Variants in USP53 observed in about 807,000 individuals in gnomAD.
USP53 encodes the protein ubiquitin carboxyl-terminal hydrolase 53.
Under a neutral mutation model 94.9 loss-of-function variants are expected in USP53, and 71 were observed. That is an observed-to-expected ratio of 0.75 (90% CI 0.62 to 0.91). USP53 has a LOEUF of 0.91. Ranked by LOEUF, USP53 falls within the 40% of genes least tolerant of loss-of-function variation. The pLI, the probability that USP53 is intolerant of heterozygous loss-of-function variation, is 0.00. For missense variants in USP53, 1,173 were observed against 1,281.0 expected, an observed-to-expected ratio of 0.92 and a Z score of 1.29; for synonymous variants, 375 against 422.7, an observed-to-expected ratio of 0.89 and a Z score of 1.39.
intron 7 of USP53, among the ~76,000 whole-genome samples, chr4:119,254,096 C>T (rs1455507519): frequency 6.6e-6 from 1 of 152,212 alleles, no homozygotes; most frequent in African/African-American, 2.4e-5. Flanking sequence ...CACCGTTAGT[C>T]TGATGGGCTT....
intron 17 of USP53, among the ~76,000 whole-genome samples, chr4:119,289,049 A>G (rs769512913): frequency 2.6e-5 from 4 of 152,182 alleles, no homozygotes; most frequent in African/African-American, 4.8e-5. Context: ...CTATCACCAT[A>G]GATACTAGCA....
intron 3 of USP53, among the ~76,000 whole-genome samples, chr4:119,230,777 C>A (rs894358269): frequency 6.6e-6 from 1 of 152,092 alleles, no homozygotes; most frequent in Non-Finnish European, 1.5e-5. Context: ...GGGGAGCCAA[C>A]GAGATATGCA....
chr4:119,284,484 A>C (rs1046005140), intron 17 of USP53, among the ~76,000 whole-genome samples: 5 of 151,858 alleles, frequency 3.3e-5, no homozygotes, highest in Non-Finnish European at 5.9e-5. Flanking sequence ...TTAAATTGCC[A>C]CAATGCCATT....
chr4:119,283,731 A>T (rs1753773222), intron 17 of USP53, among the ~76,000 whole-genome samples: 2 of 151,928 alleles, frequency 1.3e-5, no homozygotes, highest in South Asian at 4.1e-4. Context: ...GGAATATAGG[A>T]AGAAGGAACA....
intron 7 of USP53, among the ~76,000 whole-genome samples, chr4:119,250,895 A>T (rs1403378533): frequency 9.0e-6 from 1 of 111,138 alleles, no homozygotes; most frequent in East Asian, 2.7e-4. Context: ...TACCTAGATG[A>T]TTCAAGTAGG....
chr4:119,280,628 A>G (rs988643741), intron 17 of USP53, among the ~76,000 whole-genome samples: 1 of 152,204 alleles, frequency 6.6e-6, no homozygotes, highest in Non-Finnish European at 1.5e-5. Context: ...GGCTTTTAAA[A>G]GATGGGAAAG....
At chr4:119,243,565 G>A (rs1489286592) in intron 5 of USP53, among the ~76,000 whole-genome samples, 2 of 152,268 alleles carry the variant, frequency 1.3e-5, no homozygotes, top group Middle Eastern at 3.4e-3. Flanking sequence ...ATTATTTTGT[G>A]ATAGCGATTT....
chr4:119,243,010 T>C (rs1561233422), intron 5 of USP53, among the ~76,000 whole-genome samples: 1 of 152,216 alleles, frequency 6.6e-6, no homozygotes, highest in East Asian at 1.9e-4. Flanking sequence ...TGTATAGATA[T>C]GTATTGATCT....
At chr4:119,236,874 T>C (rs1746836129) in intron 4 of USP53, among the ~76,000 whole-genome samples, 1 of 152,198 alleles carries the variant, frequency 6.6e-6, no homozygotes, top group South Asian at 2.1e-4. Context: ...CTGATTGTTC[T>C]TTATGGCATC....
intron 3 of USP53, among the ~76,000 whole-genome samples, chr4:119,231,371 T>C (rs886663582): frequency 3.3e-5 from 5 of 152,192 alleles, no homozygotes; most frequent in Non-Finnish European, 7.3e-5. Context: ...TTTCGGAGGT[T>C]GAAGTGTGTT....
intron 17 of USP53, among the ~76,000 whole-genome samples, chr4:119,279,165 A>C (rs2149449159): frequency 6.8e-6 from 1 of 146,700 alleles, no homozygotes; most frequent in South Asian, 2.3e-4. Flanking sequence ...CCTTTGAAGG[A>C]GGAGAGGCGC....
intron 2 of USP53, among the ~76,000 whole-genome samples, chr4:119,215,588 T>C (rs1316557936): frequency 6.6e-6 from 1 of 152,190 alleles, no homozygotes; most frequent in African/African-American, 2.4e-5. Flanking sequence ...AGTTTTAATA[T>C]AATTGGTTTT....
At position 119,271,587 on chromosome 4, in the gene USP53, G is replaced by T; in HGVS notation, c.1727G>T (p.Ser576Ile). Residue 576 changes from serine to isoleucine, a missense_variant, in exon 16 of 19, where the codon AGC becomes ATC. Coordinates refer to ENST00000692078, the MANE Select transcript of USP53 (RefSeq NM_001371395.1). ...SRDRGNSCDS[S>I]SKSRNRGWKP... is the part of the protein sequence containing the mutation. ...GATAGAGGAAACAGCTGTGATAGCA[G>T]CAGTAAAAGCCGGAACCGAGGTTGG... 6.2e-7 allele frequency: 1 copy of T among 1,613,780 alleles called. No individual in the cohort carries two copies. Among genetic ancestry groups the T allele is most frequent in the Non-Finnish European group, 8.5e-7 (1 of 1,180,038 alleles).
intron 4 of USP53, among the ~76,000 whole-genome samples, chr4:119,238,266 G>A (rs893420481): frequency 2.0e-5 from 3 of 152,136 alleles, no homozygotes; most frequent in Admixed American, 1.3e-4. Flanking sequence ...AGAGACATGC[G>A]ACTCCTTTTA....
chr4:119,288,021 A>C (rs1754314068), intron 17 of USP53, among the ~76,000 whole-genome samples: 1 of 152,246 alleles, frequency 6.6e-6, no homozygotes, highest in African/African-American at 2.4e-5. Context: ...ATTACCAACT[A>C]GAACAGTAGT....
chr4:119,226,210 C>A (rs1375802480), intron 3 of USP53, among the ~76,000 whole-genome samples: 1 of 152,176 alleles, frequency 6.6e-6, no homozygotes, highest in East Asian at 1.9e-4. Flanking sequence ...ACAGCTAACC[C>A]TACACATAAG....
chr4:119,279,618 G>T (rs1753204308), intron 17 of USP53, among the ~76,000 whole-genome samples: 1 of 151,880 alleles, frequency 6.6e-6, no homozygotes, highest in Middle Eastern at 3.4e-3. Flanking sequence ...TTGAGCTGTG[G>T]TGGGCTCCAC....
At chr4:119,278,584 G>C in intron 17 of USP53, among the ~76,000 whole-genome samples, 1 of 121,040 alleles carries the variant, frequency 8.3e-6, no homozygotes, top group Non-Finnish European at 1.8e-5. Flanking sequence ...GTGTCTTGGA[G>C]TTGCTCTTCT....
At chr4:119,244,405 G>T (rs1047043341) in intron 5 of USP53, among the ~76,000 whole-genome samples, 3 of 152,146 alleles carry the variant, frequency 2.0e-5, no homozygotes, top group African/African-American at 7.2e-5. Flanking sequence ...TTGGGAGAAA[G>T]GAGAGATCAT....
Sources: allele counts gnomAD v4.1 joint callset (sites outside exome capture counted in the v4.1 genomes callset), GRCh38; gene constraint gnomAD v4.1.1; transcripts MANE v1.5; gene names NCBI Gene and HGNC (gene_info 2026-07-23, HGNC 2026-07-21).